Variants in CNTN5 observed in about 807,000 individuals in gnomAD.
CNTN5 encodes the protein contactin-5.
Under a neutral mutation model 129.1 loss-of-function variants are expected in CNTN5, and 77 were observed. The observed-to-expected ratio is 0.60, with a 90% CI of 0.50 to 0.72. The LOEUF (loss-of-function observed/expected upper bound fraction) is 0.72, where lower values mean the gene tolerates loss of function less well. Ranked by LOEUF, CNTN5 falls within the 30% of genes least tolerant of loss-of-function variation. The pLI, the probability that CNTN5 is intolerant of heterozygous loss-of-function variation, is 0.00. For synonymous variants in CNTN5, 509 were observed against 465.6 expected (o/e 1.09, Z -1.20); for missense variants, 1,478 against 1,328.8 (o/e 1.11, Z -1.75).
Position 100,356,309 on chromosome 11 carries a change from G to A in CNTN5, c.*89G>A. On this transcript the variant is annotated 3_prime_UTR_variant, in exon 25 of 25. Coordinates refer to ENST00000524871, the MANE Select transcript of CNTN5 (RefSeq NM_014361.4). ...TGTAAGTGGAGAACCAGGATCCTGA[G>A]ATGAGCTTGAGCTTTAAAAACTTGG... is the stretch of plus-strand genomic sequence containing the variant. The A allele has an allele frequency of 1.1e-6, 1 of 897,288 alleles. No individual in the cohort carries two copies. The highest frequency in any genetic ancestry group is 2.6e-5 in the East Asian group (1 of 38,118). The allele number at this position is 897,288 out of a possible 1,614,324, so 55.6% of individuals were successfully genotyped here. A position where few individuals can be genotyped will look rare whatever the true frequency, so the allele number is the denominator to read the frequency against.
In CNTN5 at chr11:100,092,743, T is replaced by C. The variant is rs143547646; in HGVS notation, c.1580+18449T>C. On this transcript the variant is annotated intron_variant, in intron 13 of 24. Coordinates refer to ENST00000524871, the MANE Select transcript of CNTN5 (RefSeq NM_014361.4). ...ACTGAGATCAATGCTTAAAATTTTA[T>C]GTGATTGTCCTCTTTGCGCATATGT... is the stretch of plus-strand genomic sequence containing the variant. Among the ~76,000 whole-genome samples, 267 of 152,214 alleles carry C rather than the reference T, an allele frequency of 1.8e-3. 2 individuals are homozygous for C. Among genetic ancestry groups the C allele is most frequent in the African/African-American group, 5.7e-3 (237 of 41,562 alleles).
chr11:99,608,530 T>A (rs546218214), intron 3 of CNTN5, among the ~76,000 whole-genome samples: 1 of 152,268 alleles, frequency 6.6e-6, no homozygotes, highest in East Asian at 1.9e-4. Context: ...TAAGCCTGGT[T>A]TCCTTATAAA....
chr11:100,270,569 TGTAGTACAAAAATGTAAAG>T (rs1475369191), intron 17 of CNTN5, among the ~76,000 whole-genome samples: 2 of 152,176 alleles, frequency 1.3e-5, no homozygotes, highest in East Asian at 3.9e-4. Context: ...AAAATTTAAA[TGTAGTACAAAAATGTAAAG>T]GTAGTACAAA....
chr11:99,209,841 C>T (rs906735841), intron 1 of CNTN5, among the ~76,000 whole-genome samples: 1 of 152,086 alleles, frequency 6.6e-6, no homozygotes, highest in Non-Finnish European at 1.5e-5. Context: ...TTAGTGCTTC[C>T]AAAGTACATC....
chr11:99,042,750 G>T (rs530542192), intron 1 of CNTN5, among the ~76,000 whole-genome samples: 2 of 152,274 alleles, frequency 1.3e-5, no homozygotes, highest in East Asian at 3.9e-4. Flanking sequence ...CTGGAATTCA[G>T]TGGGCACTCG....
At chr11:99,620,973 T>C (rs1393604108) in intron 3 of CNTN5, among the ~76,000 whole-genome samples, 1 of 120,482 alleles carries the variant, frequency 8.3e-6, no homozygotes, top group Non-Finnish European at 1.9e-5. Flanking sequence ...GATACTTGTA[T>C]GCCTATTTTT....
intron 9 of CNTN5, among the ~76,000 whole-genome samples, chr11:100,021,448 T>C (rs73559097): frequency 0.013 from 1,966 of 152,236 alleles, 60 homozygotes; most frequent in African/African-American, 0.045. Flanking sequence ...TGTCTGATTC[T>C]CCTTGCATTT....
At chr11:99,573,867 C>T (rs2851613) in intron 3 of CNTN5, among the ~76,000 whole-genome samples, 139,018 of 152,142 alleles carry the variant, frequency 0.91, 64,079 homozygotes, top group Non-Finnish European at 0.99. Context: ...CTTCTACCAC[C>T]GTCACACGTT....
At chr11:99,792,118 A>G (rs1945765734) in intron 3 of CNTN5, among the ~76,000 whole-genome samples, 1 of 152,076 alleles carries the variant, frequency 6.6e-6, no homozygotes, top group South Asian at 2.1e-4. Context: ...TGCTTTGGCC[A>G]GGATCTCCAA....
chr11:99,302,378 G>A (rs999004960), intron 1 of CNTN5, among the ~76,000 whole-genome samples: 5 of 151,494 alleles, frequency 3.3e-5, no homozygotes, highest in Non-Finnish European at 5.9e-5. Context: ...AATCATTAAT[G>A]AAAGAAAGTC....
chr11:99,906,042 C>T lies in CNTN5; in HGVS notation c.578-10012C>T, dbSNP rs190342857. On this transcript the variant is annotated intron_variant, in intron 6 of 24. Coordinates refer to ENST00000524871, the MANE Select transcript of CNTN5 (RefSeq NM_014361.4). ...TTATTAAGGAGATTTTGGGCTGAGA[C>T]GATAGGGTTTGCTATATATACAGTC... Among the ~76,000 whole-genome samples the T allele has an allele frequency of 1.6e-3, 249 of 152,204 alleles. 2 individuals carry two copies. Among genetic ancestry groups the T allele is most frequent in the Non-Finnish European group, 7.9e-4 (54 of 68,012 alleles).
intron 2 of CNTN5, among the ~76,000 whole-genome samples, chr11:99,497,257 C>T (rs1334344840): frequency 2.0e-5 from 3 of 152,068 alleles, no homozygotes; most frequent in Admixed American, 2.0e-4. Flanking sequence ...TTTAGTAAAC[C>T]CGTATGTTTC....
intron 3 of CNTN5, among the ~76,000 whole-genome samples, chr11:99,655,389 G>A (rs182905828): frequency 2.6e-5 from 4 of 152,198 alleles, no homozygotes; most frequent in Non-Finnish European, 5.9e-5. Context: ...CTTGGCAAAC[G>A]ATTCTTGTCA....
chr11:99,206,885 C>A (rs1226992230), intron 1 of CNTN5, among the ~76,000 whole-genome samples: 1 of 151,938 alleles, frequency 6.6e-6, no homozygotes, highest in Non-Finnish European at 1.5e-5. Context: ...ATAAAGTAAA[C>A]CCCAAAAAGC....
At chr11:100,323,111 A>C (rs1327011360) in intron 21 of CNTN5, among the ~76,000 whole-genome samples, 1 of 152,206 alleles carries the variant, frequency 6.6e-6, no homozygotes, top group African/African-American at 2.4e-5. Flanking sequence ...AAATGTCCTC[A>C]GTGTAAAAAG....
At chr11:99,630,656 G>A (rs34180832) in intron 3 of CNTN5, among the ~76,000 whole-genome samples, 17,996 of 152,078 alleles carry the variant, frequency 0.12, 1,265 homozygotes, top group Non-Finnish European at 0.17. Context: ...TTAATTCTAC[G>A]TGCTGGAGTT....
chr11:99,473,395 T>C lies in CNTN5; in HGVS notation c.-70-82750T>C, dbSNP rs558750252. On this transcript the variant is annotated intron_variant, in intron 2 of 24. Coordinates refer to ENST00000524871, the MANE Select transcript of CNTN5 (RefSeq NM_014361.4). ...TAAAATATAGCTTAAAGCATTATAT[T>C]CCTTTTGCAAATACTACAGAAGTAA... is the stretch of plus-strand genomic sequence containing the variant. Among the ~76,000 whole-genome samples the C allele has an allele frequency of 1.8e-4, 27 of 152,314 alleles. No individual in the cohort carries two copies. In the South Asian group the frequency reaches 5.0e-3, roughly 28 times the overall value.
intron 13 of CNTN5, among the ~76,000 whole-genome samples, chr11:100,091,969 T>G (rs1314522660): frequency 6.6e-6 from 1 of 151,980 alleles, no homozygotes; most frequent in Non-Finnish European, 1.5e-5. Context: ...GCTAATTTAT[T>G]AAGGATATTA....
intron 2 of CNTN5, among the ~76,000 whole-genome samples, chr11:99,491,637 G>A (rs915979960): frequency 6.6e-6 from 1 of 152,128 alleles, no homozygotes; most frequent in Non-Finnish European, 1.5e-5. Context: ...CAGAAGCATA[G>A]CATTTCAATT....
Sources: allele counts gnomAD v4.1 joint callset (sites outside exome capture counted in the v4.1 genomes callset), GRCh38; gene constraint gnomAD v4.1.1; transcripts MANE v1.5; gene names NCBI Gene and HGNC (gene_info 2026-07-23, HGNC 2026-07-21).